Variants in TANGO6 observed in about 807,000 individuals in gnomAD.
The protein encoded by TANGO6 is transport and golgi organization 6 homolog.
TANGO6 carries 90 observed loss-of-function variants against 114.2 expected under a neutral mutation model. The ratio of observed to expected loss-of-function variants is 0.79; its 90% CI spans 0.66 to 0.94. The LOEUF (loss-of-function observed/expected upper bound fraction) is 0.94. Ranked by LOEUF, TANGO6 falls within the 40% of genes least tolerant of loss-of-function variation. The pLI is 0.00. For synonymous variants in TANGO6, 477 were observed against 509.8 expected, an observed-to-expected ratio of 0.94 and a Z score of 0.87; for missense variants, 1,274 against 1,315.3, an observed-to-expected ratio of 0.97 and a Z score of 0.49.
Position 69,083,443 on chromosome 16 carries a change from C to T in TANGO6, c.3109-42C>T, listed in dbSNP as rs185811171. ...GCAGTTCAGTCGTACTGAGAAATGC[C>T]GGCACAGTAGACAGGCGGTCATGGC... On this transcript the variant is annotated intron_variant, in intron 17 of 17. Transcript: ENST00000261778. 27 of 1,575,188 alleles carry T rather than the reference C, an allele frequency of 1.7e-5. No individual in the cohort carries two copies. In the East Asian group the frequency reaches 2.1e-4, roughly 12 times the overall value.
chr16:68,947,386 G>C (rs1018377590), intron 14 of TANGO6, among the ~76,000 whole-genome samples: 1 of 151,738 alleles, frequency 6.6e-6, no homozygotes, highest in Admixed American at 6.6e-5. Context: ...CCAGGGAGTC[G>C]AAGGTTGCGG....
At position 68,935,764 on chromosome 16, in the gene TANGO6, T is replaced by G. The variant is rs1054286312; in HGVS notation, c.2701+5469T>G. On this transcript the variant is annotated intron_variant, in intron 14 of 17. Coordinates refer to ENST00000261778, the MANE Select transcript of TANGO6 (RefSeq NM_024562.2). ...TTCCTTGTATATTCTTTCTTCACTG[T>G]TTTTATCATCATTATTATTATACAA... Among the ~76,000 whole-genome samples the G allele has an allele frequency of 2.0e-5, 3 of 152,368 alleles. No homozygotes were observed. The East Asian group carries it at 5.8e-4, about 29-fold the overall frequency.
chr16:69,006,824 G>T (rs1478386297), intron 15 of TANGO6, among the ~76,000 whole-genome samples: 1 of 152,124 alleles, frequency 6.6e-6, no homozygotes, highest in Non-Finnish European at 1.5e-5. Flanking sequence ...CATTTACAGT[G>T]TACACCTCAA....
intron 1 of TANGO6, among the ~76,000 whole-genome samples, chr16:68,844,102 C>T (rs192541098): frequency 3.2e-4 from 49 of 152,194 alleles, no homozygotes; most frequent in African/African-American, 1.1e-3. Context: ...GGCGCAGGGG[C>T]CAGCATGGAC....
intron 4 of TANGO6, chr16:68,867,741 G>A (rs1217497061): frequency 6.5e-6 from 1 of 153,756 alleles, no homozygotes; most frequent in African/African-American, 2.4e-5. Context: ...GGAGGCTGAG[G>A]CAGGAGAATC....
intron 17 of TANGO6, among the ~76,000 whole-genome samples, chr16:69,042,664 T>A (rs1227821857): frequency 1.3e-5 from 2 of 152,184 alleles, no homozygotes; most frequent in Non-Finnish European, 2.9e-5. Context: ...GGGGGACATA[T>A]AGATCATAGC....
At chr16:68,961,693 G>T (rs1298563687) in intron 14 of TANGO6, among the ~76,000 whole-genome samples, 1 of 152,106 alleles carries the variant, frequency 6.6e-6, no homozygotes, top group Non-Finnish European at 1.5e-5. Context: ...AAATATATTG[G>T]CATCATCTTA....
intron 17 of TANGO6, among the ~76,000 whole-genome samples, chr16:69,041,676 T>C (rs996723168): frequency 6.6e-6 from 1 of 152,176 alleles, no homozygotes; most frequent in Admixed American, 6.6e-5. Context: ...GAATAGTGCT[T>C]TACCCTCGGC....
intron 14 of TANGO6, among the ~76,000 whole-genome samples, chr16:68,971,647 T>C (rs749563196): frequency 3.9e-5 from 6 of 152,046 alleles, no homozygotes; most frequent in Admixed American, 6.6e-5. Context: ...TTTCTTTTTT[T>C]TGAGACAGAG....
chr16:69,009,150 C>T (rs959935787), intron 15 of TANGO6, among the ~76,000 whole-genome samples: 4 of 133,370 alleles, frequency 3.0e-5, no homozygotes, highest in South Asian at 4.8e-4. Flanking sequence ...GGCGTGATCT[C>T]GGCTCACTGA....
chr16:68,859,391 G>A (rs1215304828), intron 1 of TANGO6, among the ~76,000 whole-genome samples: 3 of 152,062 alleles, frequency 2.0e-5, no homozygotes, highest in African/African-American at 7.2e-5. Flanking sequence ...GGCTGGTCTT[G>A]AACTCCTAGG....
At chr16:69,019,166 T>G (rs1262571750) in intron 15 of TANGO6, among the ~76,000 whole-genome samples, 1 of 152,204 alleles carries the variant, frequency 6.6e-6, no homozygotes, top group Non-Finnish European at 1.5e-5. Flanking sequence ...TTTAGTTTAT[T>G]TCTTCTCATT....
intron 15 of TANGO6, among the ~76,000 whole-genome samples, chr16:68,976,474 C>T (rs1159685311): frequency 6.6e-6 from 1 of 152,148 alleles, no homozygotes; most frequent in Non-Finnish European, 1.5e-5. Context: ...ACAAAGAAAA[C>T]AATAGTTCAT....
At chr16:69,049,093 T>G (rs1959906071) in intron 17 of TANGO6, among the ~76,000 whole-genome samples, 1 of 152,216 alleles carries the variant, frequency 6.6e-6, no homozygotes, top group Non-Finnish European at 1.5e-5. Flanking sequence ...AGACATAATT[T>G]ATATAGTATA....
At chr16:68,880,667 C>T (rs1597002529) in intron 7 of TANGO6, 37 bp downstream of exon 7, 1 of 1,457,520 alleles carries the variant, frequency 6.9e-7, no homozygotes, top group Non-Finnish European at 9.2e-7. Flanking sequence ...TTATTTACTT[C>T]TTATTTAAAA....
At chr16:68,932,380 C>G (rs537779959) in intron 14 of TANGO6, among the ~76,000 whole-genome samples, 236 of 152,066 alleles carry the variant, frequency 1.6e-3, no homozygotes, top group Non-Finnish European at 3.0e-3. Flanking sequence ...CGTGAGCCAC[C>G]GCACCTGGCC....
rs746116557 is a variant in TANGO6 at position 68,859,954 on chromosome 16, T to C, written c.165T>C (p.Ser55=). ...TGGCTACTTTAAAATCTAACCTGTCTGCTTTGGAGGACAAGTTTCTGAAGG... is the reference window on the plus strand; with the variant it reads ...TGGCTACTTTAAAATCTAACCTGTCCGCTTTGGAGGACAAGTTTCTGAAGG... ...VLLATLKSNL[S]ALEDKFLKDP... The change falls in exon 2 of 18, where the codon TCT becomes TCC. Residue 55 remains serine (S), a synonymous_variant. Transcript: ENST00000261778. The C allele has an allele frequency of 1.9e-6, 3 of 1,611,776 alleles. No individual in the cohort carries two copies. Among genetic ancestry groups the C allele is most frequent in the Admixed American group, 3.3e-5 (2 of 59,860 alleles).
chr16:69,057,108 A>G (rs1282105006), intron 17 of TANGO6, among the ~76,000 whole-genome samples: 2 of 137,426 alleles, frequency 1.5e-5, no homozygotes, highest in Non-Finnish European at 3.0e-5. Flanking sequence ...TTCACGTCCC[A>G]GGTTCACGTC....
At chr16:68,979,616 CA>C (rs1963803343) in intron 15 of TANGO6, among the ~76,000 whole-genome samples, 2 of 152,052 alleles carry the variant, frequency 1.3e-5, no homozygotes, top group South Asian at 4.1e-4. Context: ...TCTGTACCCT[CA>C]AAAGTATGAT....
Sources: allele counts gnomAD v4.1 joint callset (sites outside exome capture counted in the v4.1 genomes callset), GRCh38; gene constraint gnomAD v4.1.1; transcripts MANE v1.5; gene names NCBI Gene and HGNC (gene_info 2026-07-23, HGNC 2026-07-21).